Variants in CREB5 observed in about 807,000 individuals in gnomAD.
CREB5 encodes the protein cyclic AMP-responsive element-binding protein 5.
In CREB5, 19 loss-of-function variants were observed where a neutral mutation model predicts 57.1. The observed-to-expected ratio is 0.33, with a 90% confidence interval of 0.23 to 0.49. The LOEUF is 0.49. Among genes scored for constraint, CREB5 ranks in the 20% least tolerant of loss-of-function variants. The pLI is 0.99. For missense variants in CREB5, 579 were observed against 671.6 expected (o/e 0.86, Z 1.52); for synonymous variants, 238 against 238.3 (o/e 1.00, Z 0.01).
At chr7:28,450,791 A>G (rs747346748) in intron 1 of CREB5, among the ~76,000 whole-genome samples, 1 of 152,194 alleles carries the variant, frequency 6.6e-6, no homozygotes, top group Non-Finnish European at 1.5e-5. Flanking sequence ...TCTGCAATTC[A>G]TGTCTTTTTG....
chr7:28,406,316 G>C (rs1787578248), intron 1 of CREB5, among the ~76,000 whole-genome samples: 1 of 152,168 alleles, frequency 6.6e-6, no homozygotes, highest in South Asian at 2.1e-4. Context: ...CCCTTCCACT[G>C]CCCAGGATCC....
intron 7 of CREB5, among the ~76,000 whole-genome samples, chr7:28,792,620 T>C (rs1051634338): frequency 6.6e-6 from 1 of 152,206 alleles, no homozygotes; most frequent in Non-Finnish European, 1.5e-5. Context: ...GAATGACTCT[T>C]CTTTAAATGC....
At chr7:28,629,765 T>C (rs531693409) in intron 5 of CREB5, among the ~76,000 whole-genome samples, 1 of 152,322 alleles carries the variant, frequency 6.6e-6, no homozygotes, top group South Asian at 2.1e-4. Flanking sequence ...ATTGTAAAAG[T>C]TAATTTTTGT....
At chr7:28,695,941 G>A (rs1801535654) in intron 5 of CREB5, among the ~76,000 whole-genome samples, 2 of 151,876 alleles carry the variant, frequency 1.3e-5, no homozygotes, top group South Asian at 4.1e-4. Flanking sequence ...TTATGATTCT[G>A]AAAAAAAAGA....
At chr7:28,440,659 G>GC (rs1272959873) in intron 1 of CREB5, among the ~76,000 whole-genome samples, 2 of 152,124 alleles carry the variant, frequency 1.3e-5, no homozygotes, top group Admixed American at 6.6e-5. Flanking sequence ...TGGTTATTAG[G>GC]CCTTCATATG....
chr7:28,444,767 A>C (rs920882357), intron 1 of CREB5, among the ~76,000 whole-genome samples: 1 of 152,184 alleles, frequency 6.6e-6, no homozygotes, highest in Non-Finnish European at 1.5e-5. Context: ...CCCTGATGCC[A>C]GAGAAAATCC....
intron 7 of CREB5, among the ~76,000 whole-genome samples, chr7:28,755,566 G>A (rs1805252522): frequency 6.6e-6 from 1 of 152,192 alleles, no homozygotes; most frequent in African/African-American, 2.4e-5. Context: ...TTAGGAGTAG[G>A]GAGGGACACG....
At chr7:28,410,043 G>A (rs1787707486), upstream of CREB5, 1 of 442,076 alleles carries the variant, frequency 2.3e-6, no homozygotes. Context: ...GGCGCGGCGA[G>A]GACGCCGGGT....
At chr7:28,572,647 T>G (rs17156858) in intron 5 of CREB5, among the ~76,000 whole-genome samples, 2,667 of 152,118 alleles carry the variant, frequency 0.018, 97 homozygotes, top group African/African-American at 0.06. Context: ...TTGGAGGCCC[T>G]TAGTATTCAG....
At chr7:28,306,555 GTTTTTTTTTTT>G (rs869277871) in intron 1 of CREB5, among the ~76,000 whole-genome samples, 6 of 58,086 alleles carry the variant, frequency 1.0e-4, no homozygotes, top group Admixed American at 2.7e-4. Flanking sequence ...TGTTTTTTTT[GTTTTTTTTTTT>G]TTTTTTTTTT....
intron 5 of CREB5, among the ~76,000 whole-genome samples, chr7:28,598,652 C>G (rs1396830755): frequency 6.6e-6 from 1 of 152,156 alleles, no homozygotes; most frequent in African/African-American, 2.4e-5. Context: ...AGTGACTGAA[C>G]ATCTTGTGTG....
chr7:28,702,601 C>A (rs1255492508), intron 5 of CREB5, among the ~76,000 whole-genome samples: 2 of 152,170 alleles, frequency 1.3e-5, no homozygotes, highest in East Asian at 3.8e-4. Context: ...GTACATTTTC[C>A]CAATGGTGAA....
chr7:28,489,296 CTTTTTTTTTTTTT>C (rs70977046), intron 2 of CREB5, among the ~76,000 whole-genome samples: 3 of 96,648 alleles, frequency 3.1e-5, no homozygotes, highest in Non-Finnish European at 5.7e-5. Context: ...GAGGACCCTT[CTTTTTTTTTTTTT>C]TTTTTTTTGA....
intron 5 of CREB5, among the ~76,000 whole-genome samples, chr7:28,596,841 A>AT (rs1796705526): frequency 1.3e-5 from 2 of 152,198 alleles, no homozygotes; most frequent in Admixed American, 1.3e-4. Flanking sequence ...TATTATTATT[A>AT]TTGCTATTAT....
At chr7:28,530,427 C>T (rs1423296012) in intron 4 of CREB5, among the ~76,000 whole-genome samples, 1 of 152,056 alleles carries the variant, frequency 6.6e-6, no homozygotes, top group African/African-American at 2.4e-5. Context: ...CCAGGGTGCA[C>T]GAAGCCATAG....
chr7:28,365,302 C>T (rs1046563487), intron 1 of CREB5, among the ~76,000 whole-genome samples: 8 of 152,130 alleles, frequency 5.3e-5, no homozygotes, highest in Admixed American at 3.3e-4. Context: ...ATGGTACTGG[C>T]GTCTATACCC....
chr7:28,559,308 T>TTTTG (rs939584048), intron 4 of CREB5, among the ~76,000 whole-genome samples: 81 of 152,168 alleles, frequency 5.3e-4, no homozygotes, highest in African/African-American at 1.4e-3. Flanking sequence ...CATATAGGTT[T>TTTTG]TTTGTTTGTT....
chr7:28,541,298 C>T (rs1398687613), intron 4 of CREB5, among the ~76,000 whole-genome samples: 4 of 152,200 alleles, frequency 2.6e-5, no homozygotes, highest in South Asian at 2.1e-4. Flanking sequence ...TAGAAGTCAT[C>T]GACCATATAT....
At chr7:28,354,410 T>G (rs999653591) in intron 1 of CREB5, among the ~76,000 whole-genome samples, 1 of 152,190 alleles carries the variant, frequency 6.6e-6, no homozygotes, top group South Asian at 2.1e-4. Context: ...TCTCCTATGC[T>G]GATGCTTCCT....
Sources: gnomAD v4.1 joint callset for allele counts (sites outside exome capture counted in the v4.1 genomes callset) on GRCh38, gnomAD v4.1.1 for gene constraint, MANE v1.5 for transcripts, NCBI Gene and HGNC (gene_info 2026-07-23, HGNC 2026-07-21) for gene names.